Variants in MFHAS1 observed in about 807,000 individuals in gnomAD.
MFHAS1 encodes the protein multifunctional ROCO family signaling regulator 1, also known as malignant fibrous histiocytoma-amplified sequence 1.
In MFHAS1, 50 loss-of-function variants were observed where a neutral mutation model predicts 70.4. The ratio of observed to expected loss-of-function variants is 0.71; its 90% CI spans 0.57 to 0.90. The LOEUF (loss-of-function observed/expected upper bound fraction) is 0.90, where lower values mean the gene tolerates loss of function less well. MFHAS1 is among the 40% of genes least tolerant of loss of function. MFHAS1 has a pLI of 0.00. For missense variants in MFHAS1, 1,795 were observed against 1,347.6 expected (o/e 1.33, Z -5.20); for synonymous variants, 952 against 620.0 (o/e 1.54, Z -7.96).
intron 1 of MFHAS1, among the ~76,000 whole-genome samples, chr8:8,873,948 G>A (rs1809189556): frequency 6.6e-6 from 1 of 152,124 alleles, no homozygotes; most frequent in African/African-American, 2.4e-5. Flanking sequence ...ACGTGTAATG[G>A]CTGAATTAAG....
At position 8,785,719 on chromosome 8, in the gene MFHAS1, C is replaced by T. The variant is rs1487009080; in HGVS notation, c.*303G>A. On this transcript the variant is annotated 3_prime_UTR_variant, in exon 3 of 3. Coordinates refer to ENST00000276282, the MANE Select transcript of MFHAS1 (RefSeq NM_004225.3). ...CTTATATGTGCACGGAAAACAAAAT[C>T]CCTGAGAAGCCATTCGACTTTTTTT... is the stretch of plus-strand genomic sequence containing the variant. 5.5e-6 allele frequency: 2 copies of T among 365,092 alleles called. No individual in the cohort carries two copies. The highest frequency in any genetic ancestry group is 1.0e-5 in the Non-Finnish European group (2 of 199,522). 22.6% of individuals were successfully genotyped at this position (365,092 alleles called of 1,614,324 possible). A position where few individuals can be genotyped will look rare whatever the true frequency, so the allele number is the denominator to read the frequency against.
chr8:8,812,600 G>A (rs914945103), intron 1 of MFHAS1, among the ~76,000 whole-genome samples: 1 of 152,066 alleles, frequency 6.6e-6, no homozygotes, highest in African/African-American at 2.4e-5. Flanking sequence ...ATTTGACTGG[G>A]GTTTTTGCCC....
At chr8:8,881,770 T>A (rs1183076573) in intron 1 of MFHAS1, among the ~76,000 whole-genome samples, 1 of 150,026 alleles carries the variant, frequency 6.7e-6, no homozygotes, top group Non-Finnish European at 1.5e-5. Flanking sequence ...GGCAGGAGAA[T>A]TGAGCCACTG....
intron 1 of MFHAS1, among the ~76,000 whole-genome samples, chr8:8,885,939 G>A (rs942148985): frequency 2.6e-5 from 4 of 152,144 alleles, no homozygotes; most frequent in African/African-American, 9.7e-5. Flanking sequence ...ATGTTGGCCA[G>A]GATGGAGAAA....
intron 1 of MFHAS1, among the ~76,000 whole-genome samples, chr8:8,841,036 A>T (rs1317445123): frequency 6.6e-6 from 1 of 152,226 alleles, no homozygotes; most frequent in Non-Finnish European, 1.5e-5. Context: ...TCTTCATTTA[A>T]CCTTAAATAA....
chr8:8,884,081 C>CAA (rs1554490103), intron 1 of MFHAS1, among the ~76,000 whole-genome samples: 373 of 123,608 alleles, frequency 3.0e-3, no homozygotes, highest in African/African-American at 7.3e-3. Context: ...CACACACACA[C>CAA]AAAAAGAAAA....
chr8:8,803,317 C>T (rs893730453), intron 1 of MFHAS1, among the ~76,000 whole-genome samples: 105 of 152,002 alleles, frequency 6.9e-4, no homozygotes, highest in African/African-American at 2.4e-3. Flanking sequence ...GAGTTCAAGA[C>T]CAGCCTGGCC....
intron 1 of MFHAS1, among the ~76,000 whole-genome samples, chr8:8,873,377 A>G (rs1393637121): frequency 6.6e-6 from 1 of 152,218 alleles, no homozygotes; most frequent in Non-Finnish European, 1.5e-5. Context: ...AAAAACTCCC[A>G]AGAACCTGAC....
rs527347885 is a variant in MFHAS1, at chr8:8,847,940, A to T, written c.2998+42121T>A. On this transcript the variant is annotated intron_variant, in intron 1 of 2. Transcript: ENST00000276282. ...ATTTGTAAATATTGAAAGAGGCAGTATACTTGCTGTGATGCACACATGTAA... is the reference window on the plus strand; with the variant it reads ...ATTTGTAAATATTGAAAGAGGCAGTTTACTTGCTGTGATGCACACATGTAA... Among the ~76,000 whole-genome samples the T allele has an allele frequency of 5.3e-5, 8 of 152,352 alleles. No individual in the cohort carries two copies. In the South Asian group the frequency reaches 1.7e-3, roughly 32 times the overall value.
rs774820852 is a variant in MFHAS1 at position 8,891,621 on chromosome 8, C to T, written c.1438G>A (p.Gly480Arg). 5 of 1,613,508 alleles carry T rather than the reference C, an allele frequency of 3.1e-6. No individual in the cohort carries two copies. In the East Asian group the frequency reaches 8.9e-5, roughly 29 times the overall value. Residue 480 changes from glycine to arginine, a missense_variant, in exon 1 of 3, where the codon GGG becomes AGG. Gly to Arg is a moderately radical substitution (Grantham distance 125). Coordinates refer to ENST00000276282, the MANE Select transcript of MFHAS1 (RefSeq NM_004225.3). This position sits in a 1 kb window ranked among gnomAD's most constrained non-coding sequence, Gnocchi z 5.4. ...TGGATCACCTCATAACTTTCATCCC[C>T]AGCTAAGTCATACACGATGAACCGC... Reference protein sequence around the residue: ...GLRFIVYDLAGDESYEVIQPF... With the variant: ...GLRFIVYDLARDESYEVIQPF...
intron 2 of MFHAS1, among the ~76,000 whole-genome samples, chr8:8,795,984 T>A (rs1347609936): frequency 6.6e-6 from 1 of 152,178 alleles, no homozygotes; most frequent in Non-Finnish European, 1.5e-5. Flanking sequence ...ATCACCCAGA[T>A]CATGAGATCT....
chr8:8,833,359 G>C (rs116527701), intron 1 of MFHAS1, among the ~76,000 whole-genome samples: 2,692 of 152,318 alleles, frequency 0.018, 74 homozygotes, highest in African/African-American at 0.062. Context: ...GCTGAGTGCA[G>C]TGATTCATGC....
At position 8,785,737 on chromosome 8, in the gene MFHAS1, C is replaced by CTTTTT. The variant is rs36026181; in HGVS notation, c.*280_*284dup. 2.6e-5 allele frequency: 6 copies of CTTTTT among 230,000 alleles called. No homozygotes were observed. The highest frequency in any genetic ancestry group is 8.3e-5 in the East Asian group (1 of 12,000). The allele number at this position is 230,000 out of a possible 1,614,324, so 14.2% of individuals were successfully genotyped here. ...ACAAAATCCCTGAGAAGCCATTCGA[C>CTTTTT]TTTTTTTTTTTTTTTTTCTTTTCTT... On this transcript the variant is annotated 3_prime_UTR_variant, in exon 3 of 3. Coordinates refer to ENST00000276282, the MANE Select transcript of MFHAS1 (RefSeq NM_004225.3).
chr8:8,876,333 C>A (rs548818811), intron 1 of MFHAS1, among the ~76,000 whole-genome samples: 1 of 152,220 alleles, frequency 6.6e-6, no homozygotes, highest in South Asian at 2.1e-4. Flanking sequence ...TAACCTAAGA[C>A]TTAAAAATAC....
At chr8:8,810,652 A>T (rs1393856335) in intron 1 of MFHAS1, among the ~76,000 whole-genome samples, 1 of 152,194 alleles carries the variant, frequency 6.6e-6, no homozygotes, top group Non-Finnish European at 1.5e-5. Flanking sequence ...AGTATATAAT[A>T]CATAAAACAT....
At chr8:8,791,989 C>T (rs908706729) in intron 2 of MFHAS1, among the ~76,000 whole-genome samples, 2 of 152,204 alleles carry the variant, frequency 1.3e-5, no homozygotes, top group African/African-American at 4.8e-5. Flanking sequence ...CGCCTGTAAT[C>T]CCAGCACTCT....
intron 1 of MFHAS1, among the ~76,000 whole-genome samples, chr8:8,877,640 A>G (rs1182059615): frequency 6.6e-6 from 1 of 152,200 alleles, no homozygotes; most frequent in Non-Finnish European, 1.5e-5. Context: ...ACGCTTAGAC[A>G]TGGCTCTGCA....
chr8:8,818,830 A>T (rs1806839921), intron 1 of MFHAS1, among the ~76,000 whole-genome samples: 1 of 152,202 alleles, frequency 6.6e-6, no homozygotes, highest in Non-Finnish European at 1.5e-5. Flanking sequence ...CGCTATCATT[A>T]TATTTCATCC....
At position 8,879,193 on chromosome 8, in the gene MFHAS1, A is replaced by G. The variant is rs7824578; in HGVS notation, c.2998+10868T>C. Among the ~76,000 whole-genome samples the G allele has an allele frequency of 2.1e-3, 317 of 151,976 alleles. 5 individuals carry two copies. The highest frequency in any genetic ancestry group is 3.4e-3 in the Middle Eastern group (1 of 294). ...ATGAAACCCCGTCTCTACTAAAAAT[A>G]CAAAAAAAACTAGCTGGGTGTGGTG... On this transcript the variant is annotated intron_variant, in intron 1 of 2. Transcript: ENST00000276282.
Sources: gnomAD v4.1 joint callset for allele counts (sites outside exome capture counted in the v4.1 genomes callset) on GRCh38, gnomAD v4.1.1 for gene constraint, Gnocchi (gnomAD v3.1) non-coding constraint, MANE v1.5 for transcripts, NCBI Gene and HGNC (gene_info 2026-07-23, HGNC 2026-07-21) for gene names.